The following ARHGAP24 variants were observed in gnomAD, a reference collection of about 807,000 sequenced individuals.
The protein encoded by ARHGAP24 is rho GTPase-activating protein 24.
In ARHGAP24, 50 loss-of-function variants were observed where a neutral mutation model predicts 76.4. That is an observed-to-expected ratio of 0.65 (90% CI 0.52 to 0.83). ARHGAP24 has a LOEUF of 0.83. Among genes scored for constraint, ARHGAP24 ranks in the 40% least tolerant of loss-of-function variants. The probability of loss-of-function intolerance (pLI) is 0.00; values close to 1 mark genes in which losing one functional copy is unlikely to be tolerated. For synonymous variants in ARHGAP24, 345 were observed against 323.3 expected (o/e 1.07, Z -0.72); for missense variants, 930 against 914.2 (o/e 1.02, Z -0.22).
At chr4:85,556,543 T>A (rs1033746657) in intron 1 of ARHGAP24, among the ~76,000 whole-genome samples, 1 of 152,284 alleles carries the variant, frequency 6.6e-6, no homozygotes, top group African/African-American at 2.4e-5. Context: ...AACTGCAATG[T>A]CATACATGCT....
At chr4:85,698,262 C>A (rs1723942324) in intron 2 of ARHGAP24, among the ~76,000 whole-genome samples, 1 of 152,098 alleles carries the variant, frequency 6.6e-6, no homozygotes, top group African/African-American at 2.4e-5. Flanking sequence ...GACTGCTGGA[C>A]CCATGGAAGG....
chr4:85,942,170 A>C lies in ARHGAP24; in HGVS notation c.496A>C (p.Arg166=), dbSNP rs756149941. 1.2e-6 allele frequency: 2 copies of C among 1,614,022 alleles called. No individual in the cohort carries two copies. Among genetic ancestry groups the C allele is most frequent in the Admixed American group, 3.3e-5 (2 of 59,984 alleles). The change falls in exon 5 of 10, where the codon AGG becomes CGG. Residue 166 remains arginine, a synonymous_variant. Transcript: ENST00000395184. Reference sequence around the variant, plus strand: ...GCAGTGCGTGGACTTTATCCGACAAAGGGGGCTGAAAGAAGAGGGTCTCTT... The same window carrying C: ...GCAGTGCGTGGACTTTATCCGACAACGGGGGCTGAAAGAAGAGGGTCTCTT... ...VEQCVDFIRQ[R]GLKEEGLFRL... is the part of the protein sequence containing the mutation.
At chr4:85,560,624 G>T (rs1323967758) in intron 1 of ARHGAP24, among the ~76,000 whole-genome samples, 1 of 152,126 alleles carries the variant, frequency 6.6e-6, no homozygotes, top group African/African-American at 2.4e-5. Flanking sequence ...TGCCCTTCTG[G>T]TGACTATTTT....
At chr4:85,551,035 G>T (rs1726115769) in intron 1 of ARHGAP24, among the ~76,000 whole-genome samples, 1 of 152,122 alleles carries the variant, frequency 6.6e-6, no homozygotes, top group Non-Finnish European at 1.5e-5. Flanking sequence ...TCTCTTGCCT[G>T]ATTTCTCTGA....
chr4:85,669,663 A>G (rs1177015959), intron 2 of ARHGAP24, among the ~76,000 whole-genome samples: 5 of 60,486 alleles, frequency 8.3e-5, no homozygotes, highest in Non-Finnish European at 1.4e-4. Flanking sequence ...ATATATATAT[A>G]TATATATATA....
chr4:85,865,503 T>TA (rs1220260934), intron 3 of ARHGAP24, among the ~76,000 whole-genome samples: 1 of 147,322 alleles, frequency 6.8e-6, no homozygotes, highest in Non-Finnish European at 1.5e-5. Context: ...ATAATTTAAA[T>TA]AAAAAACAAT....
At chr4:85,684,812 CTT>C in intron 2 of ARHGAP24, among the ~76,000 whole-genome samples, 1 of 152,292 alleles carries the variant, frequency 6.6e-6, no homozygotes, top group South Asian at 2.1e-4. Flanking sequence ...CTTAGAGCCT[CTT>C]TTAACTGCAA....
intron 6 of ARHGAP24, among the ~76,000 whole-genome samples, chr4:85,974,507 A>G (rs1287970166): frequency 1.3e-5 from 2 of 152,176 alleles, no homozygotes; most frequent in Admixed American, 1.3e-4. Context: ...TTTTGTCAGT[A>G]GATGTATTTG....
At chr4:85,570,807 C>G in intron 2 of ARHGAP24, 86 bp downstream of exon 2, 1 of 1,431,094 alleles carries the variant, frequency 7.0e-7, no homozygotes, top group Non-Finnish European at 9.7e-7. Flanking sequence ...GGACTGAGAC[C>G]ACCCAAAGCT....
Position 85,654,713 on chromosome 4 carries a change from G to A in ARHGAP24, c.181-67172G>A, listed in dbSNP as rs995813818. 1.5e-4 allele frequency among the ~76,000 whole-genome samples: 19 copies of A among 128,706 alleles called. No individual in the cohort carries two copies. In the East Asian group the frequency reaches 6.6e-3, roughly 45 times the overall value. The allele number at this position is 128,706 out of a possible 152,430, so 84.4% of individuals were successfully genotyped here. ...GATAGAAGCCTGTATCCTACAGAAC[G>A]GGAGTGGGATTGGGAAGCAATTGGC... On this transcript the variant is annotated intron_variant, in intron 2 of 9. Coordinates refer to ENST00000395184, the MANE Select transcript of ARHGAP24 (RefSeq NM_001025616.3).
intron 2 of ARHGAP24, among the ~76,000 whole-genome samples, chr4:85,621,629 G>A (rs1361643953): frequency 6.6e-6 from 1 of 150,966 alleles, no homozygotes; most frequent in Non-Finnish European, 1.5e-5. Context: ...TTTTCTTGTT[G>A]ATTTATTTAG....
At chr4:85,904,760 A>C (rs2148793881) in intron 3 of ARHGAP24, among the ~76,000 whole-genome samples, 1 of 152,360 alleles carries the variant, frequency 6.6e-6, no homozygotes, top group South Asian at 2.1e-4. Flanking sequence ...AAAGAAAGCA[A>C]AAATATGCAA....
At chr4:85,827,717 C>T in intron 3 of ARHGAP24, 2 of 338,382 alleles carry the variant, frequency 5.9e-6, no homozygotes, top group South Asian at 4.7e-5. Flanking sequence ...CTTGTGGTCA[C>T]CTTGTGGTGA....
At chr4:85,652,375 T>G (rs1173477549) in intron 2 of ARHGAP24, among the ~76,000 whole-genome samples, 1 of 152,220 alleles carries the variant, frequency 6.6e-6, no homozygotes, top group Non-Finnish European at 1.5e-5. Flanking sequence ...ATTCAGAAGA[T>G]GAAATTCTCT....
At chr4:85,652,207 A>T (rs181024044) in intron 2 of ARHGAP24, among the ~76,000 whole-genome samples, 1 of 152,298 alleles carries the variant, frequency 6.6e-6, no homozygotes, top group South Asian at 2.1e-4. Flanking sequence ...TGATCAGATG[A>T]TTTTGACTTC....
At chr4:85,590,035 A>G (rs1312868899) in intron 2 of ARHGAP24, among the ~76,000 whole-genome samples, 2 of 152,254 alleles carry the variant, frequency 1.3e-5, no homozygotes, top group African/African-American at 2.4e-5. Context: ...AATTGTTCTT[A>G]AAGTAATACT....
intron 3 of ARHGAP24, among the ~76,000 whole-genome samples, chr4:85,793,971 C>G (rs1728237251): frequency 6.6e-6 from 1 of 152,178 alleles, no homozygotes; most frequent in South Asian, 2.1e-4. Flanking sequence ...GAGTATGAAG[C>G]AGTGACTAAG....
chr4:85,948,239 A>G (rs1294967411), intron 5 of ARHGAP24, among the ~76,000 whole-genome samples: 1 of 152,164 alleles, frequency 6.6e-6, no homozygotes, highest in Admixed American at 6.5e-5. Flanking sequence ...TGTAGGAGAA[A>G]TGTTCATTTT....
intron 3 of ARHGAP24, among the ~76,000 whole-genome samples, chr4:85,905,797 G>T (rs1040888650): frequency 2.0e-5 from 3 of 152,164 alleles, no homozygotes; most frequent in Non-Finnish European, 4.4e-5. Flanking sequence ...CATATTTAAT[G>T]ATGCAAGGCA....
Sources: allele counts gnomAD v4.1 joint callset (sites outside exome capture counted in the v4.1 genomes callset), GRCh38; gene constraint gnomAD v4.1.1; transcripts MANE v1.5; gene names NCBI Gene and HGNC (gene_info 2026-07-23, HGNC 2026-07-21).